SCN9A: variants seen among roughly 807,000 people sequenced by gnomAD.
SCN9A encodes sodium voltage-gated channel alpha subunit 9, also known as sodium channel protein type 9 subunit alpha.
In SCN9A, 131 loss-of-function variants were observed where a neutral mutation model predicts 187.0. The observed-to-expected ratio is 0.70, with a 90% CI of 0.61 to 0.81. SCN9A has a LOEUF of 0.81. SCN9A is among the 30% of genes least tolerant of loss of function. The probability of loss-of-function intolerance (pLI) is 0.00; values close to 1 mark genes in which losing one functional copy is unlikely to be tolerated. For missense variants in SCN9A, 2,252 were observed against 2,396.6 expected, an observed-to-expected ratio of 0.94 and a Z score of 1.26; for synonymous variants, 809 against 808.6, an observed-to-expected ratio of 1.00 and a Z score of -0.01.
chr2:166,338,358 C>T lies in SCN9A; in HGVS notation c.-50-26552G>A, dbSNP rs189564784. Among the ~76,000 whole-genome samples, 248 of 151,946 alleles carry T rather than the reference C, an allele frequency of 1.6e-3. 2 individuals are homozygous for T. The highest frequency in any genetic ancestry group is 5.5e-3 in the African/African-American group (227 of 41,472). ...TTAGGGCTTATTTTTTTTTCTCTTT[C>T]GGTGCTCTTTATATTAAAATTATAC... On this transcript the variant is annotated intron_variant, in intron 1 of 26. Coordinates refer to ENST00000642356, the MANE Select transcript of SCN9A (RefSeq NM_001365536.1).
intron 11 of SCN9A, 22 bp from the exon 12 acceptor site, chr2:166,284,846 C>A (rs201976744): frequency 2.2e-5 from 35 of 1,565,276 alleles, no homozygotes; most frequent in Middle Eastern, 1.7e-4. Context: ...TTAAAAAAAA[C>A]GTGGTTGCTG....
chr2:166,343,171 TTTGC>T (rs1699825378), intron 1 of SCN9A, among the ~76,000 whole-genome samples: 2 of 152,174 alleles, frequency 1.3e-5, no homozygotes, highest in Admixed American at 1.3e-4. Context: ...TGTCATATAC[TTTGC>T]TTGTTTTATA....
At chr2:166,224,252 T>C (rs761860016) in intron 24 of SCN9A, among the ~76,000 whole-genome samples, 11 of 152,160 alleles carry the variant, frequency 7.2e-5, no homozygotes, top group Non-Finnish European at 1.5e-4. Context: ...AATGCTTAAG[T>C]TGAGAAAAAT....
chr2:166,279,233 C>T (rs1697371365), intron 14 of SCN9A, among the ~76,000 whole-genome samples: 2 of 152,112 alleles, frequency 1.3e-5, no homozygotes, highest in Admixed American at 1.3e-4. Context: ...TCAGCGAGCA[C>T]ATGGGGAAAA....
At chr2:166,347,041 C>T (rs974964805) in intron 1 of SCN9A, among the ~76,000 whole-genome samples, 1 of 152,168 alleles carries the variant, frequency 6.6e-6, no homozygotes, top group Non-Finnish European at 1.5e-5. Flanking sequence ...TTCTCCACAT[C>T]AATTTGCTGA....
At chr2:166,229,220 A>G (rs1275234136) in intron 21 of SCN9A, among the ~76,000 whole-genome samples, 1 of 152,168 alleles carries the variant, frequency 6.6e-6, no homozygotes, top group African/African-American at 2.4e-5. Context: ...ATCACACAAT[A>G]AAATTGTTAG....
intron 24 of SCN9A, among the ~76,000 whole-genome samples, chr2:166,209,636 A>C (rs1422077917): frequency 6.6e-6 from 1 of 152,168 alleles, no homozygotes; most frequent in Non-Finnish European, 1.5e-5. Flanking sequence ...CCCATCAAAA[A>C]CTGGGTAAAG....
At chr2:166,317,826 A>C (rs1415734095) in intron 1 of SCN9A, among the ~76,000 whole-genome samples, 2 of 152,306 alleles carry the variant, frequency 1.3e-5, no homozygotes, top group East Asian at 3.9e-4. Context: ...CAGTGGCGAA[A>C]TGTTAGATAA....
At chr2:166,309,129 T>C (rs1698859773) in intron 2 of SCN9A, among the ~76,000 whole-genome samples, 1 of 150,752 alleles carries the variant, frequency 6.6e-6, no homozygotes, top group African/African-American at 2.4e-5. Flanking sequence ...AGAATGAGAG[T>C]GAAGAGGGAA....
Position 166,198,599 on chromosome 2 carries a change from T to G in SCN9A, c.*73A>C. The G allele has an allele frequency of 3.4e-6, 4 of 1,172,600 alleles. No homozygotes were observed. Among genetic ancestry groups the G allele is most frequent in the Non-Finnish European group, 4.7e-6 (4 of 846,620 alleles). 72.6% of individuals were successfully genotyped at this position (1,172,600 alleles called of 1,614,324 possible). ...TGATAAAAAGGATTTTGGCATAGAC[T>G]TCCTCAAAAGAGTTTTATTAACACA... On this transcript the variant is annotated 3_prime_UTR_variant, in exon 27 of 27. Transcript: ENST00000642356.
At position 166,228,682 on chromosome 2, in the gene SCN9A, G is replaced by A. The variant is rs1694951497; in HGVS notation, c.4206+9C>T. On this transcript the variant is annotated intron_variant, in intron 22 of 26. Coordinates refer to ENST00000642356, the MANE Select transcript of SCN9A (RefSeq NM_001365536.1). ...AAAATACCAAGCACTCATGAAATGGGACACTTACAACTTGAAGCAGAGATA... is the reference window on the plus strand; with the variant it reads ...AAAATACCAAGCACTCATGAAATGGAACACTTACAACTTGAAGCAGAGATA... 5 of 1,602,240 alleles carry A rather than the reference G, an allele frequency of 3.1e-6. No individual in the cohort carries two copies. In the African/African-American group the frequency reaches 4.0e-5, roughly 13 times the overall value.
intron 24 of SCN9A, among the ~76,000 whole-genome samples, chr2:166,222,973 C>T (rs1333385130): frequency 2.5e-4 from 11 of 44,344 alleles, no homozygotes; most frequent in Non-Finnish European, 4.9e-5. Flanking sequence ...AAAAAAAAAA[C>T]AGCAACAAAA....
At chr2:166,297,801 T>C (rs1436073162) in intron 7 of SCN9A, among the ~76,000 whole-genome samples, 49 of 152,146 alleles carry the variant, frequency 3.2e-4, no homozygotes, top group Non-Finnish European at 8.8e-5. Flanking sequence ...TAAAAGGGAA[T>C]GCAGCATAAC....
intron 26 of SCN9A, among the ~76,000 whole-genome samples, chr2:166,201,483 AC>A (rs1360855668): frequency 9.0e-6 from 1 of 110,638 alleles, no homozygotes; most frequent in African/African-American, 3.4e-5. Context: ...GTATGCGTAT[AC>A]TATATATATA....
intron 17 of SCN9A, among the ~76,000 whole-genome samples, chr2:166,255,991 A>T (rs1316211378): frequency 6.6e-6 from 1 of 151,524 alleles, no homozygotes; most frequent in Non-Finnish European, 1.5e-5. Flanking sequence ...GTAAAATAGT[A>T]AATTTCAATT....
chr2:166,311,694 G>C lies in SCN9A; in HGVS notation c.63C>G (p.Ala21=). Residue 21 remains alanine (A), a synonymous_variant, in exon 2 of 27, where the codon GCC becomes GCG. Coordinates refer to ENST00000642356, the MANE Select transcript of SCN9A (RefSeq NM_001365536.1). ...TTTCAGCAATGCGTTGTTCAATGAG[G>C]GCAAGAGACTGTTTTGTGAAATGGA... ...SFVHFTKQSL[A]LIEQRIAERK... The C allele has an allele frequency of 6.2e-7, 1 of 1,612,868 alleles. No homozygotes were observed. Among genetic ancestry groups the C allele is most frequent in the Non-Finnish European group, 8.5e-7 (1 of 1,179,322 alleles).
rs764145516 is a variant in SCN9A, at chr2:166,304,061, G to A, written c.688+177C>T. 10 of 1,613,186 alleles carry A rather than the reference G, an allele frequency of 6.2e-6. No individual in the cohort carries two copies. The East Asian group carries it at 8.9e-5, about 14-fold the overall frequency. ...ATGACTGAAATTGTTTTCAATGCTC[G>A]GAGAACTCTGAATGTTCTCAATGCT... is the stretch of plus-strand genomic sequence containing the variant. On this transcript the variant is annotated intron_variant, in intron 6 of 26. Transcript: ENST00000642356.
At chr2:166,263,927 C>A (rs758915009) in intron 17 of SCN9A, among the ~76,000 whole-genome samples, 3 of 151,982 alleles carry the variant, frequency 2.0e-5, no homozygotes, top group Non-Finnish European at 2.9e-5. Flanking sequence ...AAATCATGGC[C>A]TTGCTCAGAC....
At chr2:166,332,445 G>A (rs1295579109) in intron 1 of SCN9A, among the ~76,000 whole-genome samples, 1 of 152,104 alleles carries the variant, frequency 6.6e-6, no homozygotes, top group African/African-American at 2.4e-5. Context: ...CTCACTTTGT[G>A]GGAACTAGGT....
Sources: gnomAD v4.1 joint callset for allele counts (sites outside exome capture counted in the v4.1 genomes callset) on GRCh38, gnomAD v4.1.1 for gene constraint, MANE v1.5 for transcripts, NCBI Gene and HGNC (gene_info 2026-07-23, HGNC 2026-07-21) for gene names.